The following PDE4D variants were observed in gnomAD, a reference collection of about 807,000 sequenced individuals.
PDE4D encodes phosphodiesterase 4D.
A neutral mutation model predicts 87.4 loss-of-function variants in PDE4D; 24 were observed. The ratio of observed to expected loss-of-function variants is 0.27; its 90% CI spans 0.20 to 0.39. PDE4D has a LOEUF of 0.39. PDE4D is among the 10% of genes least tolerant of loss of function. The pLI, the probability that PDE4D is intolerant of heterozygous loss-of-function variation, is 1.00. For missense variants in PDE4D, 714 were observed against 1,041.0 expected (o/e 0.69, Z 4.32); for synonymous variants, 384 against 383.2 (o/e 1.00, Z -0.02).
At chr5:60,481,141 G>A (rs1028394491) in intron 1 of PDE4D, among the ~76,000 whole-genome samples, 25 of 152,008 alleles carry the variant, frequency 1.6e-4, no homozygotes, top group African/African-American at 5.8e-4. Flanking sequence ...GTTTATAGGA[G>A]GAAAATAATT....
At chr5:59,657,507 T>A (rs1212931947) in intron 1 of PDE4D, among the ~76,000 whole-genome samples, 1 of 152,150 alleles carries the variant, frequency 6.6e-6, no homozygotes, top group African/African-American at 2.4e-5. Flanking sequence ...ATAAATGTCA[T>A]CATTTACTTT....
At chr5:59,246,889 A>G (rs1758947580) in intron 1 of PDE4D, among the ~76,000 whole-genome samples, 1 of 152,010 alleles carries the variant, frequency 6.6e-6, no homozygotes, top group Non-Finnish European at 1.5e-5. Flanking sequence ...ATAACCCTCA[A>G]ATACACAGAT....
intron 5 of PDE4D, among the ~76,000 whole-genome samples, chr5:59,046,522 CAAT>C (rs199816561): frequency 0.057 from 7,801 of 138,038 alleles, 248 homozygotes; most frequent in South Asian, 0.1. Flanking sequence ...TCCCAATCAT[CAAT>C]AAGGTTATTG....
intron 3 of PDE4D, among the ~76,000 whole-genome samples, chr5:59,960,761 T>A (rs1759382377): frequency 6.6e-6 from 1 of 152,118 alleles, no homozygotes; most frequent in Non-Finnish European, 1.5e-5. Context: ...GGTACTATGT[T>A]CATTATCTTA....
At chr5:59,032,903 C>T (rs1394126995) in intron 6 of PDE4D, among the ~76,000 whole-genome samples, 2 of 152,056 alleles carry the variant, frequency 1.3e-5, no homozygotes, top group Non-Finnish European at 2.9e-5. Context: ...GGCCTATTGC[C>T]CAAAATATTA....
intron 5 of PDE4D, among the ~76,000 whole-genome samples, chr5:59,160,486 T>TA (rs1039008279): frequency 2.0e-5 from 3 of 151,810 alleles, no homozygotes; most frequent in East Asian, 1.9e-4. Flanking sequence ...TTAGCTGCAT[T>TA]AAAAAAAAGA....
chr5:59,684,658 C>T (rs945864719), intron 1 of PDE4D, among the ~76,000 whole-genome samples: 4 of 152,198 alleles, frequency 2.6e-5, no homozygotes, highest in African/African-American at 9.7e-5. Context: ...AGACCTCCAA[C>T]TATAGGAACT....
chr5:60,471,449 A>G (rs1285419472), intron 1 of PDE4D, among the ~76,000 whole-genome samples: 1 of 152,188 alleles, frequency 6.6e-6, no homozygotes, highest in East Asian at 1.9e-4. Context: ...GAGGACTGAC[A>G]GCAATTTTGA....
intron 1 of PDE4D, among the ~76,000 whole-genome samples, chr5:60,287,069 T>C (rs562982357): frequency 1.3e-5 from 2 of 152,320 alleles, no homozygotes; most frequent in African/African-American, 2.4e-5. Flanking sequence ...CTATGAGATA[T>C]ATTTTATTTC....
At chr5:59,757,434 G>C (rs1034663163) in intron 1 of PDE4D, among the ~76,000 whole-genome samples, 1 of 152,100 alleles carries the variant, frequency 6.6e-6, no homozygotes, top group Admixed American at 6.5e-5. Context: ...TAGTCCCAGA[G>C]ATATTTCCAT....
intron 2 of PDE4D, among the ~76,000 whole-genome samples, chr5:60,099,994 T>C (rs186343845): frequency 2.5e-4 from 38 of 152,070 alleles, no homozygotes; most frequent in African/African-American, 8.7e-4. Context: ...CTGGAACAAC[T>C]CAAATATTCC....
intron 3 of PDE4D, among the ~76,000 whole-genome samples, chr5:59,981,700 C>T (rs550218895): frequency 1.3e-5 from 2 of 152,240 alleles, no homozygotes; most frequent in African/African-American, 4.8e-5. Context: ...AAGGTACAGG[C>T]TTCATGGTAG....
intron 1 of PDE4D, among the ~76,000 whole-genome samples, chr5:60,477,646 G>A (rs112644523): frequency 1.5e-3 from 234 of 152,216 alleles, no homozygotes; most frequent in African/African-American, 5.3e-3. Context: ...ACTCGGACTC[G>A]GAGTTCCACC....
intron 1 of PDE4D, among the ~76,000 whole-genome samples, chr5:59,649,904 C>CTTGTTTTTTTTTTT (rs1561402852): frequency 2.7e-5 from 2 of 73,960 alleles, no homozygotes; most frequent in African/African-American, 1.0e-4. Flanking sequence ...AGTTTGTGAA[C>CTTGTTTTTTTTTTT]CTTTTTTTTT....
intron 3 of PDE4D, among the ~76,000 whole-genome samples, chr5:59,187,856 G>A (rs770824918): frequency 4.6e-5 from 7 of 151,734 alleles, no homozygotes. Context: ...AGTATGACAT[G>A]TATGCTATTG....
rs906791422 is a variant in PDE4D at position 59,273,159 on chromosome 5, C to T, written c.456-57191G>A. Among the ~76,000 whole-genome samples, 19 of 152,108 alleles carry T rather than the reference C, an allele frequency of 1.2e-4. 1 individual carries two copies. The highest frequency in any genetic ancestry group is 4.6e-4 in the Admixed American group (7 of 15,242). ...AAATGGCAAAGTTTTAGGTCTCTCT[C>T]ATGGGAAGTCAACTGAAAAGGAATG... On this transcript the variant is annotated intron_variant, in intron 1 of 14. Transcript: ENST00000340635.
intron 2 of PDE4D, among the ~76,000 whole-genome samples, chr5:60,064,170 C>A (rs930602655): frequency 3.3e-5 from 5 of 151,844 alleles, no homozygotes; most frequent in Non-Finnish European, 5.9e-5. Flanking sequence ...AATCTATTTC[C>A]ATTTTTTAAA....
chr5:59,674,171 T>C (rs1747681765), intron 1 of PDE4D, among the ~76,000 whole-genome samples: 1 of 152,184 alleles, frequency 6.6e-6, no homozygotes, highest in Non-Finnish European at 1.5e-5. Flanking sequence ...TTATTCCTCA[T>C]TGTCAGAATA....
chr5:60,353,483 T>C (rs181878629), intron 1 of PDE4D, among the ~76,000 whole-genome samples: 2 of 152,210 alleles, frequency 1.3e-5, no homozygotes, highest in East Asian at 3.9e-4. Context: ...GTAGATGAAA[T>C]AGCAGAAGTT....
Sources: gnomAD v4.1 joint callset for allele counts (sites outside exome capture counted in the v4.1 genomes callset) on GRCh38, gnomAD v4.1.1 for gene constraint, MANE v1.5 for transcripts, NCBI Gene and HGNC (gene_info 2026-07-23, HGNC 2026-07-21) for gene names.